Variants in HAPLN3 observed in about 807,000 individuals in gnomAD.
HAPLN3 encodes the protein hyaluronan and proteoglycan link protein 3, also known as extracellular link domain containing, 1.
Under a neutral mutation model 28.1 loss-of-function variants are expected in HAPLN3, and 28 were observed. The observed-to-expected ratio is 1.00, with a 90% confidence interval of 0.74 to 1.37. HAPLN3 has a LOEUF of 1.37. Ranked by LOEUF, HAPLN3 falls within the 40% of genes most tolerant of loss-of-function variation. HAPLN3 has a pLI of 0.00. For synonymous variants in HAPLN3, 211 were observed against 213.1 expected, an observed-to-expected ratio of 0.99 and a Z score of 0.09; for missense variants, 513 against 504.6, an observed-to-expected ratio of 1.02 and a Z score of -0.16.
intron 1 of HAPLN3, among the ~76,000 whole-genome samples, chr15:88,890,855 A>G (rs367895448): frequency 6.2e-4 from 94 of 151,170 alleles, no homozygotes; most frequent in African/African-American, 2.1e-3. Flanking sequence ...ACAGAGTCCT[A>G]TCATATTTAA....
intron 2 of HAPLN3, among the ~76,000 whole-genome samples, chr15:88,885,335 G>A (rs1897820629): frequency 6.6e-6 from 1 of 152,226 alleles, no homozygotes; most frequent in Non-Finnish European, 1.5e-5. Context: ...GAGTGCAGTG[G>A]TGTGATCTCA....
Position 88,881,201 on chromosome 15 carries a change from CT to C in HAPLN3, c.493+155del, listed in dbSNP as rs1426991953. On this transcript the variant is annotated intron_variant, in intron 3 of 4. Transcript: ENST00000359595. This position sits in a 1 kb window ranked among gnomAD's most constrained non-coding sequence, Gnocchi z 6.0. Reference sequence around the variant, plus strand: ...CCTCTCTGTGCCTCAGTTTTCTCACCTGTAAAATGGGGGTCACAACAGTAGC... The same window carrying C: ...CCTCTCTGTGCCTCAGTTTTCTCACCGTAAAATGGGGGTCACAACAGTAGC... The C allele has an allele frequency of 1.0e-6, 1 of 967,720 alleles. No individual in the cohort carries two copies. The highest frequency in any genetic ancestry group is 1.6e-5 in the African/African-American group (1 of 60,764). The allele number at this position is 967,720 out of a possible 1,614,324, so 59.9% of individuals were successfully genotyped here.
At chr15:88,890,206 C>T (rs1303948417) in intron 1 of HAPLN3, among the ~76,000 whole-genome samples, 2 of 152,142 alleles carry the variant, frequency 1.3e-5, no homozygotes, top group African/African-American at 4.8e-5. Context: ...CCAAATCCAC[C>T]ATTCCCTTAG....
chr15:88,878,297 C>T, intron 4 of HAPLN3, 41 bp from the exon 5 acceptor site: 2 of 1,561,130 alleles, frequency 1.3e-6, no homozygotes, highest in Admixed American at 1.8e-5. Flanking sequence ...GCGCAGGGGG[C>T]AGCCAGAGAG....
intron 2 of HAPLN3, among the ~76,000 whole-genome samples, chr15:88,885,746 C>T (rs897240157): frequency 1.3e-5 from 2 of 152,154 alleles, no homozygotes; most frequent in East Asian, 1.9e-4. Context: ...TGAGTCACCG[C>T]GCCTGGCCAA....
In HAPLN3 at chr15:88,877,862, A is replaced by G; in HGVS notation, c.*108T>C. On this transcript the variant is annotated 3_prime_UTR_variant, in exon 5 of 5. Transcript: ENST00000359595. This position sits in a 1 kb window ranked among gnomAD's most constrained non-coding sequence, Gnocchi z 5.1. ...AAAAAAATGTTTAAAGAAAATTTAA[A>G]TTGAGAAGTATAAAAACAGTTAAAA... The G allele has an allele frequency of 9.0e-7, 1 of 1,113,834 alleles. No homozygotes were observed. The highest frequency in any genetic ancestry group is 1.3e-6 in the Non-Finnish European group (1 of 797,664). The allele number at this position is 1,113,834 out of a possible 1,614,324, so 69.0% of individuals were successfully genotyped here. A position where few individuals can be genotyped will look rare whatever the true frequency, so the allele number is the denominator to read the frequency against.
chr15:88,887,265 G>A lies in HAPLN3; in HGVS notation c.34C>T (p.Leu12=), dbSNP rs763692640. Residue 12 remains leucine, a synonymous_variant, in exon 2 of 5, where the codon CTG becomes TTG. Coordinates refer to ENST00000359595, the MANE Select transcript of HAPLN3 (RefSeq NM_178232.4). ...GLLLLVPLLL[L]PGSYGLPFYN... ...AAGGGCAGTCCGTAGGAGCCGGGCAGCAGGAGCAACGGGACCAGGAGCAAC... is the reference window on the plus strand; with the variant it reads ...AAGGGCAGTCCGTAGGAGCCGGGCAACAGGAGCAACGGGACCAGGAGCAAC... 1.2e-6 allele frequency: 2 copies of A among 1,614,176 alleles called. No individual in the cohort carries two copies. Among genetic ancestry groups the A allele is most frequent in the Non-Finnish European group, 1.7e-6 (2 of 1,180,008 alleles).
rs370247243 is a variant in HAPLN3, at chr15:88,879,020, C to T, written c.743G>A (p.Arg248His). ...LAPGVRSYGP[R>H]HRRLHRYDVF... ...ATCATAGCGGTGCAGGCGGCGGTGGCGGGGGCCGTAGCTTCGCACGCCAGG... is the reference window on the plus strand; with the variant it reads ...ATCATAGCGGTGCAGGCGGCGGTGGTGGGGGCCGTAGCTTCGCACGCCAGG... Residue 248 changes from arginine (R) to histidine (H), a missense_variant, in exon 4 of 5, where the codon CGC becomes CAC. Physicochemically the swap from Arg to His is conservative, Grantham distance 29. Transcript: ENST00000359595. The surrounding 1 kb of genome is among the most constrained non-coding windows in gnomAD (Gnocchi z 5.0). 7 of 1,608,914 alleles carry T rather than the reference C, an allele frequency of 4.4e-6. No individual in the cohort carries two copies. Among genetic ancestry groups the T allele is most frequent in the Admixed American group, 3.4e-5 (2 of 59,470 alleles).
At chr15:88,890,416 CA>C (rs924869746) in intron 1 of HAPLN3, among the ~76,000 whole-genome samples, 62 of 152,330 alleles carry the variant, frequency 4.1e-4, no homozygotes, top group African/African-American at 1.3e-3. Context: ...ACTGGAAGAT[CA>C]GAGTTCAAAT....
chr15:88,880,004 T>C lies in HAPLN3; in HGVS notation c.494-735A>G. On this transcript the variant is annotated intron_variant, in intron 3 of 4. Coordinates refer to ENST00000359595, the MANE Select transcript of HAPLN3 (RefSeq NM_178232.4). This position sits in a 1 kb window ranked among gnomAD's most constrained non-coding sequence, Gnocchi z 6.0. ...GGGGTCTGGGAAGGACACTTTGGAA[T>C]CTCCTCCGTGTGGCCAAGGACCCAG... 1 of 993,960 alleles carries C rather than the reference T, an allele frequency of 1.0e-6. No homozygotes were observed. Among genetic ancestry groups the C allele is most frequent in the Non-Finnish European group, 1.2e-6 (1 of 835,136 alleles). The allele number at this position is 993,960 out of a possible 1,614,324, so 61.6% of individuals were successfully genotyped here.
rs1454053111 is a variant in HAPLN3 at position 88,877,704 on chromosome 15, A to G, written c.*266T>C. On this transcript the variant is annotated 3_prime_UTR_variant, in exon 5 of 5. Transcript: ENST00000359595. This position sits in a 1 kb window ranked among gnomAD's most constrained non-coding sequence, Gnocchi z 5.1. ...CCAACCTCCTTAAGGGAGGGAGACC[A>G]GCCTGGATGGCGGGGAACCCTCCAG... is the stretch of plus-strand genomic sequence containing the variant. 4 of 433,762 alleles carry G rather than the reference A, an allele frequency of 9.2e-6. No individual in the cohort carries two copies. Among genetic ancestry groups the G allele is most frequent in the Non-Finnish European group, 1.6e-5 (4 of 244,766 alleles). 26.9% of individuals were successfully genotyped at this position (433,762 alleles called of 1,614,324 possible). A position where few individuals can be genotyped will look rare whatever the true frequency, so the allele number is the denominator to read the frequency against.
chr15:88,878,037 AC>A lies in HAPLN3; in HGVS notation c.1015del (p.Val339SerfsTer52). 1 of 1,613,892 alleles carries A rather than the reference AC, an allele frequency of 6.2e-7. No homozygotes were observed. The highest frequency in any genetic ancestry group is 8.5e-7 in the Non-Finnish European group (1 of 1,179,974). ...CGGGTCGGGGAAGCCAAAGCTTCGG[AC>A]CCCAGGCTCTGGGGGCCCACAGTTA... Reference protein sequence around the residue: ...HPNCGPPEPGVRSFGFPDPQS... With the variant: ...HPNCGPPEPGXRSFGFPDPQS... On this transcript the variant is annotated frameshift_variant, in exon 5 of 5. Transcript: ENST00000359595. LOFTEE classifies it low-confidence loss of function (END_TRUNC).
rs1024708496 is a variant in HAPLN3 at position 88,877,844 on chromosome 15, T to C, written c.*126A>G. 3.0e-6 allele frequency: 3 copies of C among 984,296 alleles called. No individual in the cohort carries two copies. Among genetic ancestry groups the C allele is most frequent in the Non-Finnish European group, 4.4e-6 (3 of 685,892 alleles). The allele number at this position is 984,296 out of a possible 1,614,324, so 61.0% of individuals were successfully genotyped here. A position where few individuals can be genotyped will look rare whatever the true frequency, so the allele number is the denominator to read the frequency against. On this transcript the variant is annotated 3_prime_UTR_variant, in exon 5 of 5. Coordinates refer to ENST00000359595, the MANE Select transcript of HAPLN3 (RefSeq NM_178232.4). This position sits in a 1 kb window ranked among gnomAD's most constrained non-coding sequence, Gnocchi z 5.1. ...TGCTTTACAAAAAATAGTAAAAAAA[T>C]GTTTAAAGAAAATTTAAATTGAGAA...
At position 88,887,304 on chromosome 15, in the gene HAPLN3, C is replaced by A. The variant is rs748292227; in HGVS notation, c.-6G>T. 1 of 1,613,818 alleles carries A rather than the reference C, an allele frequency of 6.2e-7. No individual in the cohort carries two copies. The highest frequency in any genetic ancestry group is 8.5e-7 in the Non-Finnish European group (1 of 1,179,866). ...ACCAGGAGCAACAGGCCCATCTCCTCATGCCAGGGTGACCCGGGCCAGGCT... is the reference window on the plus strand; with the variant it reads ...ACCAGGAGCAACAGGCCCATCTCCTAATGCCAGGGTGACCCGGGCCAGGCT... On this transcript the variant is annotated 5_prime_UTR_variant, in exon 2 of 5. It removes an upstream start codon present in the reference 5' UTR. Coordinates refer to ENST00000359595, the MANE Select transcript of HAPLN3 (RefSeq NM_178232.4).
chr15:88,895,489 C>G lies in HAPLN3; in HGVS notation c.-78G>C, dbSNP rs1290572640. The G allele has an allele frequency of 6.6e-6, 1 of 152,348 alleles. No homozygotes were observed. The highest frequency in any genetic ancestry group is 1.5e-5 in the Non-Finnish European group (1 of 68,122). 9.4% of individuals were successfully genotyped at this position (152,348 alleles called of 1,614,324 possible). A position where few individuals can be genotyped will look rare whatever the true frequency, so the allele number is the denominator to read the frequency against. ...CCAGGCAGCTCCTCGACGGCTAGAG[C>G]TCTCGGGGGCCGCGAGCTGTCCCGG... On this transcript the variant is annotated 5_prime_UTR_variant, in exon 1 of 5. Transcript: ENST00000359595. This position sits in a 1 kb window ranked among gnomAD's most constrained non-coding sequence, Gnocchi z 5.5.
Position 88,881,304 on chromosome 15 carries a change from T to A in HAPLN3, c.493+53A>T. 6.4e-7 allele frequency: 1 copy of A among 1,560,936 alleles called. No homozygotes were observed. The highest frequency in any genetic ancestry group is 8.7e-7 in the Non-Finnish European group (1 of 1,153,900). ...GAGGTCTGGATGTTTTCTCTGGTCC[T>A]CTCCCCTCTGCTCTCAGGTCCCAGT... On this transcript the variant is annotated intron_variant, in intron 3 of 4. Transcript: ENST00000359595. The surrounding 1 kb of genome is among the most constrained non-coding windows in gnomAD (Gnocchi z 6.0).
chr15:88,887,857 G>C (rs1451715800), intron 1 of HAPLN3, among the ~76,000 whole-genome samples: 1 of 152,024 alleles, frequency 6.6e-6, no homozygotes, highest in Non-Finnish European at 1.5e-5. Context: ...CAGCTACTCG[G>C]GAGGCTGAGG....
In HAPLN3 at chr15:88,877,972, A is replaced by G. The variant is rs1897575277; in HGVS notation, c.1081T>C (p.Ter361GlnextTer17). ...LYGVYCYRQH[*>Q] ...GCGGCAGGGGAGGGCCCCAGGTCCT[A>G]GTGCTGGCGGTAGCAGTAAACACCG... The change falls in exon 5 of 5, where the codon TAG (stop) becomes CAG (glutamine). Residue 361 changes from the stop codon to glutamine (Q), a stop_lost. Transcript: ENST00000359595. This position sits in a 1 kb window ranked among gnomAD's most constrained non-coding sequence, Gnocchi z 5.1. 6.3e-7 allele frequency: 1 copy of G among 1,595,830 alleles called. No individual in the cohort carries two copies. The highest frequency in any genetic ancestry group is 8.6e-7 in the Non-Finnish European group (1 of 1,169,550).
In HAPLN3 at chr15:88,881,511, C is replaced by T. The variant is rs1393849213; in HGVS notation, c.339G>A (p.Gly113=). Residue 113 remains glycine, a synonymous_variant, in exon 3 of 5, where the codon GGG becomes GGA. Coordinates refer to ENST00000359595, the MANE Select transcript of HAPLN3 (RefSeq NM_178232.4). The surrounding 1 kb of genome is among the most constrained non-coding windows in gnomAD (Gnocchi z 6.0). ...GCAGGTGCACGCGGCCTTGGTAGTC[C>T]CCAAAGGAGCGGTGCCTCAGCCCGA... ...VAIGLRHRSF[G]DYQGRVHLRQ... is the part of the protein sequence containing the mutation. 1.2e-6 allele frequency: 2 copies of T among 1,613,996 alleles called. No individual in the cohort carries two copies. Among genetic ancestry groups the T allele is most frequent in the Admixed American group, 1.7e-5 (1 of 60,014 alleles).
Sources: gnomAD v4.1 joint callset for allele counts (sites outside exome capture counted in the v4.1 genomes callset) on GRCh38, gnomAD v4.1.1 for gene constraint, Gnocchi (gnomAD v3.1) non-coding constraint, MANE v1.5 for transcripts, NCBI Gene and HGNC (gene_info 2026-07-23, HGNC 2026-07-21) for gene names.